Variants in RP1 observed in about 807,000 individuals in gnomAD.
RP1 encodes oxygen-regulated protein 1.
A neutral mutation model predicts 14.8 loss-of-function variants in RP1; 16 were observed. The ratio of observed to expected loss-of-function variants is 1.08; its 90% confidence interval spans 0.73 to 1.65. The LOEUF is 1.65. RP1 is among the 40% of genes most tolerant of loss of function. RP1 has a pLI of 0.00. For synonymous variants in RP1, 876 were observed against 883.6 expected (o/e 0.99, Z 0.15); for missense variants, 2,631 against 2,535.0 (o/e 1.04, Z -0.81).
chr8:54,627,725 T>C lies in RP1; in HGVS notation c.3843T>C (p.Phe1281=). The C allele has an allele frequency of 1.2e-6, 2 of 1,614,154 alleles. No individual in the cohort carries two copies. Among genetic ancestry groups the C allele is most frequent in the South Asian group, 2.2e-5 (2 of 91,080 alleles). ...CATGTAACCCCAGTGACACTTTTTT[T>C]CCTAGTGATGGTTATGGTGTGGATC... ...KETCNPSDTF[F]PSDGYGVDQT... Residue 1281 remains phenylalanine, a synonymous_variant, in exon 4 of 4, where the codon TTT becomes TTC. Transcript: ENST00000220676.
At chr8:54,734,769 T>A in intron 18 of RP1, 4 of 1,507,786 alleles carry the variant, frequency 2.7e-6, no homozygotes, top group Non-Finnish European at 2.7e-6. Context: ...CAGTAATATT[T>A]TCCTGTGAAC....
Position 54,629,486 on chromosome 8 carries a change from T to G in RP1, c.5604T>G (p.Thr1868=), listed in dbSNP as rs1806186723. ...HQSERVCTSV[T]HSFISAGNKV... ...CAGAAAGAGTATGCACATCTGTCAC[T>G]CATTCCTTTATTTCTGCTGGTAACA... Residue 1868 remains threonine (T), a synonymous_variant, in exon 4 of 4, where the codon ACT becomes ACG. Transcript: ENST00000220676. 1.2e-6 allele frequency: 2 copies of G among 1,614,162 alleles called. No individual in the cohort carries two copies. Among genetic ancestry groups the G allele is most frequent in the South Asian group, 2.2e-5 (2 of 91,082 alleles).
chr8:54,559,653 G>A (rs948726428), intron 1 of RP1, among the ~76,000 whole-genome samples: 1 of 152,186 alleles, frequency 6.6e-6, no homozygotes, highest in Non-Finnish European at 1.5e-5. Context: ...CCATGTATAC[G>A]ACTTGTGATT....
chr8:54,728,790 T>A (rs577257459), intron 17 of RP1, among the ~76,000 whole-genome samples: 8 of 152,126 alleles, frequency 5.3e-5, no homozygotes, highest in Non-Finnish European at 1.2e-4. Context: ...GGAATCTTAT[T>A]TTTTTAGAAT....
At chr8:54,851,134 C>A (rs1188545740) in intron 25 of RP1, among the ~76,000 whole-genome samples, 1 of 152,130 alleles carries the variant, frequency 6.6e-6, no homozygotes, top group Non-Finnish European at 1.5e-5. Flanking sequence ...TCAATTGGAG[C>A]AGCTTCTGGG....
chr8:54,761,066 T>G (rs1257805307), intron 22 of RP1, among the ~76,000 whole-genome samples: 1 of 152,124 alleles, frequency 6.6e-6, no homozygotes, highest in Non-Finnish European at 1.5e-5. Context: ...AGAGTGTGCT[T>G]CATCCAGGAC....
Position 54,726,590 on chromosome 8 carries a change from A to T in RP1, c.2521+114A>T, listed in dbSNP as rs1808660359. On this transcript the variant is annotated intron_variant, in intron 17 of 22. Coordinates refer to the RP1 transcript ENST00000636932. Reference sequence around the variant, plus strand: ...TTTACAGCATATATTATGTTATACCACATGGACTGCTTGTAAGCTGTTATC... The same window carrying T: ...TTTACAGCATATATTATGTTATACCTCATGGACTGCTTGTAAGCTGTTATC... 7.4e-6 allele frequency: 8 copies of T among 1,077,188 alleles called. No individual in the cohort carries two copies. In the East Asian group the frequency reaches 1.7e-4, roughly 23 times the overall value. The allele number at this position is 1,077,188 out of a possible 1,614,324, so 66.7% of individuals were successfully genotyped here. A position where few individuals can be genotyped will look rare whatever the true frequency, so the allele number is the denominator to read the frequency against.
downstream of RP1, among the ~76,000 whole-genome samples, chr8:54,771,579 G>T (rs1049739641): frequency 1.3e-5 from 2 of 151,898 alleles, no homozygotes; most frequent in Non-Finnish European, 2.9e-5. Context: ...TATTTCTGTT[G>T]TCTTATTTTA....
intron 6 of RP1, among the ~76,000 whole-genome samples, chr8:54,662,893 G>A (rs1806931854): frequency 6.6e-6 from 1 of 152,160 alleles, no homozygotes; most frequent in Non-Finnish European, 1.5e-5. Context: ...ACTGGATGGT[G>A]TGGGTTACTC....
At chr8:54,833,792 A>G (rs1353375599) in intron 24 of RP1, among the ~76,000 whole-genome samples, 6 of 152,042 alleles carry the variant, frequency 3.9e-5, no homozygotes, top group Admixed American at 3.9e-4. Flanking sequence ...ACAAGCATCA[A>G]AGTATTAATA....
intron 1 of RP1, among the ~76,000 whole-genome samples, chr8:54,602,278 C>G (rs1044391169): frequency 6.6e-6 from 1 of 152,042 alleles, no homozygotes; most frequent in African/African-American, 2.4e-5. Context: ...TGAGTGAGAA[C>G]ATGCGGTGTT....
chr8:54,689,451 T>C (rs1193344414), intron 12 of RP1, among the ~76,000 whole-genome samples: 1 of 151,968 alleles, frequency 6.6e-6, no homozygotes, highest in Admixed American at 6.6e-5. Context: ...AGATGAAAAG[T>C]TATTTCCTTT....
chr8:54,697,160 A>G (rs1316255483), intron 12 of RP1: 10 of 852,396 alleles, frequency 1.2e-5, no homozygotes, highest in Admixed American at 2.0e-5. Flanking sequence ...ATTTTTATCA[A>G]TGAAGTGGAA....
intron 1 of RP1, among the ~76,000 whole-genome samples, chr8:54,607,907 G>T (rs1362235902): frequency 2.6e-5 from 4 of 152,246 alleles, no homozygotes; most frequent in African/African-American, 7.2e-5. Flanking sequence ...GCAGTATTAG[G>T]GTGGGAGTGA....
intron 20 of RP1, among the ~76,000 whole-genome samples, chr8:54,755,355 A>G (rs1027043260): frequency 2.6e-5 from 4 of 152,254 alleles, no homozygotes; most frequent in African/African-American, 9.6e-5. Context: ...CATACATAGA[A>G]GAACAACCTT....
intron 5 of RP1, among the ~76,000 whole-genome samples, chr8:54,654,542 G>C (rs509273): frequency 0.25 from 37,327 of 152,080 alleles, 4,950 homozygotes; most frequent in East Asian, 0.41. Flanking sequence ...CTTTCTAAAA[G>C]TGACATTACA....
chr8:54,649,109 T>C, exon 4 of RP1: 2 of 1,516,376 alleles, frequency 1.3e-6, no homozygotes, highest in Non-Finnish European at 1.8e-6. Context: ...ATGGAACAGA[T>C]GGGGCTCGAT....
chr8:54,853,364 C>T (rs762466559), intron 26 of RP1, among the ~76,000 whole-genome samples: 3 of 151,932 alleles, frequency 2.0e-5, no homozygotes, highest in Non-Finnish European at 4.4e-5. Context: ...GAGAGAGAGA[C>T]GTAAAGAGGA....
At chr8:54,795,664 TATCATTCTCTA>T (rs1810561989) in intron 24 of RP1, among the ~76,000 whole-genome samples, 1 of 152,070 alleles carries the variant, frequency 6.6e-6, no homozygotes, top group African/African-American at 2.4e-5. Flanking sequence ...AAGAAAAAAA[TATCATTCTCTA>T]ATCCCTCTCT....
Sources: gnomAD v4.1 joint callset for allele counts (sites outside exome capture counted in the v4.1 genomes callset) on GRCh38, gnomAD v4.1.1 for gene constraint, MANE v1.5 for transcripts, NCBI Gene and HGNC (gene_info 2026-07-23, HGNC 2026-07-21) for gene names.